RIC3: variants seen among roughly 807,000 people sequenced by gnomAD.
The protein encoded by RIC3 is RIC3 acetylcholine receptor chaperone, also known as protein RIC-3.
RIC3 carries 28 observed loss-of-function variants against 27.3 expected under a neutral mutation model. The ratio of observed to expected loss-of-function variants is 1.02; its 90% CI spans 0.76 to 1.41. RIC3 has a LOEUF of 1.41. RIC3 is among the 40% of genes most tolerant of loss of function. The pLI is 0.00. For synonymous variants in RIC3, 184 were observed against 160.4 expected (o/e 1.15, Z -1.11); for missense variants, 501 against 444.7 (o/e 1.13, Z -1.14).
At chr11:8,112,650 A>G (rs184173004) in intron 5 of RIC3, among the ~76,000 whole-genome samples, 27 of 152,310 alleles carry the variant, frequency 1.8e-4, no homozygotes, top group East Asian at 1.2e-3. Flanking sequence ...TTGTGTATAA[A>G]AGGTTATATC....
chr11:8,147,686 T>C (rs964380312), intron 1 of RIC3, among the ~76,000 whole-genome samples: 3 of 151,820 alleles, frequency 2.0e-5, no homozygotes, highest in Middle Eastern at 3.5e-3. Context: ...GTTTGTAGGG[T>C]GTGCCTCCCT....
chr11:8,103,447 G>C, downstream of RIC3: 1 of 152,414 alleles, frequency 6.6e-6, no homozygotes, highest in East Asian at 1.9e-4. Context: ...TGAAGGACTT[G>C]TTTTGACTTA....
chr11:8,143,774 A>G (rs1328414747), intron 1 of RIC3, among the ~76,000 whole-genome samples: 1 of 152,178 alleles, frequency 6.6e-6, no homozygotes, highest in Non-Finnish European at 1.5e-5. Flanking sequence ...CCTGACTTCA[A>G]ACTATACTAC....
the RIC3 span, among the ~76,000 whole-genome samples, chr11:8,099,196 C>T: frequency 6.6e-6 from 1 of 152,128 alleles, no homozygotes; most frequent in Non-Finnish European, 1.5e-5. Flanking sequence ...CAGATCATCC[C>T]TCTGGCATGC....
chr11:8,120,042 A>G (rs1946271090), intron 5 of RIC3, among the ~76,000 whole-genome samples: 1 of 152,248 alleles, frequency 6.6e-6, no homozygotes, highest in South Asian at 2.1e-4. Context: ...AGGAAATAAC[A>G]GATGCTAGAG....
rs986257059 is a variant in RIC3 at position 8,156,090 on chromosome 11, T to C, written c.124+12776A>G. Among the ~76,000 whole-genome samples the C allele has an allele frequency of 5.3e-5, 8 of 152,348 alleles. No individual in the cohort carries two copies. In the East Asian group the frequency reaches 5.8e-4, roughly 11 times the overall value. On this transcript the variant is annotated intron_variant, in intron 1 of 5. Transcript: ENST00000309737. ...TCCTATATATTACTAAAAGAGATCA[T>C]TGTGTGTCTAAGTTGCTTAGCACAG... is the stretch of plus-strand genomic sequence containing the variant.
At chr11:8,140,335 G>C (rs1218495822) in intron 1 of RIC3, 142 bp from the exon 2 acceptor site, 1 of 699,404 alleles carries the variant, frequency 1.4e-6, no homozygotes, top group South Asian at 2.0e-5. Context: ...AGGATACAGA[G>C]GTATCACACA....
rs954379492 is a variant in RIC3 at position 8,109,190 on chromosome 11, A to T, written c.*1508T>A. The T allele has an allele frequency of 6.6e-6, 1 of 152,250 alleles. No homozygotes were observed. The highest frequency in any genetic ancestry group is 2.4e-5 in the African/African-American group (1 of 41,466). The allele number at this position is 152,250 out of a possible 1,614,324, so 9.4% of individuals were successfully genotyped here. On this transcript the variant is annotated 3_prime_UTR_variant, in exon 6 of 6. Transcript: ENST00000309737. ...CCCATACCTTCTAACAGCAGTCTGT[A>T]TGCTGATGTATAATTTTAAACTGTT...
intron 2 of RIC3, chr11:8,139,611 T>A (rs2133902617): frequency 4.6e-6 from 1 of 219,440 alleles, no homozygotes; most frequent in East Asian, 1.0e-4. Flanking sequence ...AAATCTTTAT[T>A]CCTTTTCGGC....
chr11:8,161,177 A>G lies in RIC3; in HGVS notation c.124+7689T>C, dbSNP rs186308749. On this transcript the variant is annotated intron_variant, in intron 1 of 5. Coordinates refer to ENST00000309737, the MANE Select transcript of RIC3 (RefSeq NM_001206671.4). ...AGTAAATCGGCACTTCACGTAAGAT[A>G]CGGTGAACATAGAGTAGCTACCTGT... Among the ~76,000 whole-genome samples the G allele has an allele frequency of 3.0e-3, 456 of 152,376 alleles. 3 individuals are homozygous for G. Among genetic ancestry groups the G allele is most frequent in the African/African-American group, 0.01 (423 of 41,590 alleles).
chr11:8,104,009 C>CT (rs1421868734), downstream of RIC3: 3 of 152,226 alleles, frequency 2.0e-5, no homozygotes, highest in Non-Finnish European at 4.4e-5. Context: ...CCACAAAACT[C>CT]TGTCAGGCAT....
At chr11:8,130,170 TCCCCTA>T (rs1189058581) in intron 4 of RIC3, among the ~76,000 whole-genome samples, 1 of 152,212 alleles carries the variant, frequency 6.6e-6, no homozygotes, top group Non-Finnish European at 1.5e-5. Flanking sequence ...GAGCCATCCA[TCCCCTA>T]CCTCTCCTTC....
chr11:8,134,437 A>C (rs1344395899), intron 4 of RIC3, among the ~76,000 whole-genome samples: 1 of 152,190 alleles, frequency 6.6e-6, no homozygotes, highest in African/African-American at 2.4e-5. Flanking sequence ...GCTATTGTGA[A>C]TAGTGCCTCA....
At chr11:8,148,952 G>A (rs1235874495) in intron 1 of RIC3, among the ~76,000 whole-genome samples, 3 of 151,236 alleles carry the variant, frequency 2.0e-5, no homozygotes, top group Admixed American at 1.3e-4. Context: ...AGGCTTAGGC[G>A]GGCAGATCAC....
downstream of RIC3, chr11:8,101,072 G>A: frequency 1.9e-6 from 3 of 1,544,038 alleles, no homozygotes; most frequent in Middle Eastern, 1.7e-4. Flanking sequence ...AGCCCACCTA[G>A]CCCTGCCTAC....
intron 1 of RIC3, among the ~76,000 whole-genome samples, chr11:8,157,791 A>C (rs908542212): frequency 6.6e-6 from 1 of 152,220 alleles, no homozygotes; most frequent in Non-Finnish European, 1.5e-5. Flanking sequence ...TCTAGAATAG[A>C]AACTGGCAAT....
downstream of RIC3, chr11:8,101,096 T>C: frequency 7.1e-7 from 1 of 1,399,424 alleles, no homozygotes; most frequent in South Asian, 1.3e-5. Flanking sequence ...GGCTAGAGTT[T>C]AAGAATGTGA....
In RIC3 at chr11:8,110,059, C is replaced by T. The variant is rs1945073339; in HGVS notation, c.*639G>A. 6.3e-6 allele frequency: 1 copy of T among 159,082 alleles called. No homozygotes were observed. Among genetic ancestry groups the T allele is most frequent in the Non-Finnish European group, 1.4e-5 (1 of 72,100 alleles). 9.9% of individuals were successfully genotyped at this position (159,082 alleles called of 1,614,324 possible). On this transcript the variant is annotated 3_prime_UTR_variant, in exon 6 of 6. Coordinates refer to ENST00000309737, the MANE Select transcript of RIC3 (RefSeq NM_001206671.4). ...AGTAAAACAGTCCCCAAACAAGCCT[C>T]TGGGCTCATTCTCAGATCAGTGGGA...
chr11:8,097,408 C>G, the RIC3 span: 1 of 1,614,164 alleles, frequency 6.2e-7, no homozygotes, highest in Non-Finnish European at 8.5e-7. Context: ...GCACCTGGAC[C>G]GTGAGGATGG....
Sources: gnomAD v4.1 joint callset for allele counts (sites outside exome capture counted in the v4.1 genomes callset) on GRCh38, gnomAD v4.1.1 for gene constraint, MANE v1.5 for transcripts, NCBI Gene and HGNC (gene_info 2026-07-23, HGNC 2026-07-21) for gene names.